The following CD80 variants were observed in gnomAD, a reference collection of about 807,000 sequenced individuals.
CD80 encodes the protein T-lymphocyte activation antigen CD80.
Under a neutral mutation model 27.1 loss-of-function variants are expected in CD80, and 13 were observed. The observed-to-expected ratio is 0.48, with a 90% CI of 0.31 to 0.76. The LOEUF (loss-of-function observed/expected upper bound fraction) is 0.76, where lower values mean the gene tolerates loss of function less well. Ranked by LOEUF, CD80 falls within the 30% of genes least tolerant of loss-of-function variation. The probability of loss-of-function intolerance (pLI) is 0.04; values close to 1 mark genes in which losing one functional copy is unlikely to be tolerated. For synonymous variants in CD80, 125 were observed against 125.5 expected (o/e 1.00, Z 0.03); for missense variants, 277 against 347.9 (o/e 0.80, Z 1.62).
At chr3:119,537,780 C>G (rs543175872) in intron 3 of CD80, among the ~76,000 whole-genome samples, 1 of 152,260 alleles carries the variant, frequency 6.6e-6, no homozygotes, top group South Asian at 2.1e-4. Flanking sequence ...CCAGCCTGGG[C>G]AAAAGAGCAA....
Position 119,531,658 on chromosome 3 carries a change from T to TTTATTTAG in CD80, c.701-1722_701-1721insCTAAATAA, listed in dbSNP as rs2082112589. Among the ~76,000 whole-genome samples the TTTATTTAG allele has an allele frequency of 2.4e-5, 3 of 126,978 alleles. No individual in the cohort carries two copies. The South Asian group carries it at 6.6e-4, about 28-fold the overall frequency. 83.3% of individuals were successfully genotyped at this position (126,978 alleles called of 152,430 possible). A position where few individuals can be genotyped will look rare whatever the true frequency, so the allele number is the denominator to read the frequency against. On this transcript the variant is annotated intron_variant, in intron 4 of 6. Transcript: ENST00000264246. ...CAAACCCAGTGGTAAGTTTTATTTA[T>TTTATTTAG]TTATTTATTTATTTATTTAAGACGG...
chr3:119,533,224 CA>C (rs2082119069), intron 4 of CD80, among the ~76,000 whole-genome samples: 1 of 152,198 alleles, frequency 6.6e-6, no homozygotes, highest in Non-Finnish European at 1.5e-5. Flanking sequence ...GGTAACATCC[CA>C]CAGGGGCAGA....
At chr3:119,555,558 G>C (rs1238255949) in intron 2 of CD80, among the ~76,000 whole-genome samples, 1 of 152,152 alleles carries the variant, frequency 6.6e-6, no homozygotes, top group Non-Finnish European at 1.5e-5. Flanking sequence ...GCAGGGTCCG[G>C]TTCTTGCTCA....
At chr3:119,553,951 TCAGCCCTGGGCTA>T (rs1281471201) in intron 2 of CD80, among the ~76,000 whole-genome samples, 1 of 152,198 alleles carries the variant, frequency 6.6e-6, no homozygotes, top group Non-Finnish European at 1.5e-5. Context: ...AGGGCTGGTG[TCAGCCCTGGGCTA>T]GGTGCTAGCC....
At chr3:119,526,611 A>C (rs762590059) in intron 6 of CD80, among the ~76,000 whole-genome samples, 3 of 152,228 alleles carry the variant, frequency 2.0e-5, no homozygotes, top group Non-Finnish European at 4.4e-5. Context: ...TACCTCAAGC[A>C]AATCTCTTAA....
chr3:119,547,851 C>A (rs2082209892), intron 2 of CD80, among the ~76,000 whole-genome samples: 1 of 152,194 alleles, frequency 6.6e-6, no homozygotes. Context: ...CCACTGTGTG[C>A]TGCTCCTACA....
At chr3:119,530,107 T>G (rs1207026434) in intron 4 of CD80, among the ~76,000 whole-genome samples, 170 bp from the exon 5 acceptor site, 2 of 152,228 alleles carry the variant, frequency 1.3e-5, no homozygotes, top group East Asian at 3.8e-4. Flanking sequence ...CACATACTTG[T>G]GGGCAACTAA....
intron 2 of CD80, among the ~76,000 whole-genome samples, chr3:119,549,511 G>GA (rs2082219790): frequency 1.3e-5 from 2 of 152,124 alleles, no homozygotes; most frequent in Non-Finnish European, 2.9e-5. Context: ...ATCCCCTGGA[G>GA]CCACACAGAT....
At chr3:119,546,879 C>T (rs540289832) in intron 2 of CD80, among the ~76,000 whole-genome samples, 4 of 151,924 alleles carry the variant, frequency 2.6e-5, no homozygotes, top group Non-Finnish European at 5.9e-5. Context: ...AACTACAGAA[C>T]TGCATTTAAC....
At chr3:119,558,670 C>T (rs986372853) in intron 1 of CD80, among the ~76,000 whole-genome samples, 6 of 149,766 alleles carry the variant, frequency 4.0e-5, no homozygotes, top group East Asian at 2.0e-4. Flanking sequence ...GGCTGAGGCA[C>T]GAGAATTGCT....
intron 3 of CD80, among the ~76,000 whole-genome samples, chr3:119,542,293 C>T (rs754884377): frequency 1.3e-5 from 2 of 151,964 alleles, no homozygotes; most frequent in African/African-American, 2.4e-5. Context: ...TTCCATGTAA[C>T]TTTGGCTTAC....
At chr3:119,552,669 G>T (rs953221919) in intron 2 of CD80, among the ~76,000 whole-genome samples, 4 of 151,892 alleles carry the variant, frequency 2.6e-5, no homozygotes, top group Admixed American at 6.6e-5. Flanking sequence ...AAACCCCATC[G>T]CTACAAAAAG....
chr3:119,535,376 C>T (rs1180532169), intron 4 of CD80, among the ~76,000 whole-genome samples: 1 of 152,154 alleles, frequency 6.6e-6, no homozygotes, highest in East Asian at 1.9e-4. Context: ...TATTATCAAA[C>T]TCAGTGTTTT....
At chr3:119,548,365 T>C (rs528403269) in intron 2 of CD80, among the ~76,000 whole-genome samples, 8 of 151,954 alleles carry the variant, frequency 5.3e-5, no homozygotes, top group African/African-American at 2.4e-5. Flanking sequence ...GGGCCAGGAG[T>C]TGGGGACAGA....
chr3:119,528,658 A>G (rs983619547), intron 5 of CD80, among the ~76,000 whole-genome samples: 1 of 152,150 alleles, frequency 6.6e-6, no homozygotes, highest in Non-Finnish European at 1.5e-5. Context: ...CTGGAATTCC[A>G]AAGACAAGAA....
intron 1 of CD80, 95 bp downstream of exon 1, chr3:119,559,345 G>C (rs1311248039): frequency 6.6e-6 from 1 of 152,220 alleles, no homozygotes; most frequent in Non-Finnish European, 1.5e-5. Flanking sequence ...CCAGGAGGTG[G>C]TAGCAGAGGT....
intron 1 of CD80, among the ~76,000 whole-genome samples, chr3:119,558,162 G>A (rs1560060330): frequency 6.6e-6 from 1 of 152,130 alleles, no homozygotes; most frequent in Non-Finnish European, 1.5e-5. Flanking sequence ...GTGAAGATTT[G>A]GTTAGAAACA....
chr3:119,541,944 T>G (rs1225973325), intron 3 of CD80, among the ~76,000 whole-genome samples: 1 of 151,976 alleles, frequency 6.6e-6, no homozygotes, highest in East Asian at 1.9e-4. Context: ...ATTTTCTTCT[T>G]TATCTTTCTA....
chr3:119,540,331 A>C (rs2082160664), intron 3 of CD80, among the ~76,000 whole-genome samples: 1 of 152,248 alleles, frequency 6.6e-6, no homozygotes, highest in Non-Finnish European at 1.5e-5. Context: ...CCAGGCAAAC[A>C]CTTCCAGGAA....
Sources: gnomAD v4.1 joint callset for allele counts (sites outside exome capture counted in the v4.1 genomes callset) on GRCh38, gnomAD v4.1.1 for gene constraint, MANE v1.5 for transcripts, NCBI Gene and HGNC (gene_info 2026-07-23, HGNC 2026-07-21) for gene names.